The following MTHFS variants were observed in gnomAD, a reference collection of about 807,000 sequenced individuals.
MTHFS encodes methenyltetrahydrofolate synthetase.
MTHFS carries 7 observed loss-of-function variants against 12.7 expected under a neutral mutation model. The ratio of observed to expected loss-of-function variants is 0.55; its 90% confidence interval spans 0.31 to 1.03. MTHFS has a LOEUF of 1.03. Among genes scored for constraint, MTHFS ranks in the 50% least tolerant of loss-of-function variants. The pLI is 0.05. For missense variants in MTHFS, 252 were observed against 258.1 expected, an observed-to-expected ratio of 0.98 and a Z score of 0.16; for synonymous variants, 100 against 97.1, an observed-to-expected ratio of 1.03 and a Z score of -0.18.
intron 2 of MTHFS, among the ~76,000 whole-genome samples, chr15:79,846,983 C>G (rs945370726): frequency 6.6e-6 from 1 of 152,180 alleles, no homozygotes; most frequent in African/African-American, 2.4e-5. Flanking sequence ...TCAGTTAGTA[C>G]AAAATATAAC....
chr15:79,853,662 G>C (rs1251283813), intron 2 of MTHFS, among the ~76,000 whole-genome samples: 2 of 152,158 alleles, frequency 1.3e-5, no homozygotes, highest in Non-Finnish European at 2.9e-5. Flanking sequence ...CAAACCATGT[G>C]CAAGGGTGGG....
At chr15:79,858,487 G>A (rs368389976) in intron 2 of MTHFS, among the ~76,000 whole-genome samples, 25 of 152,066 alleles carry the variant, frequency 1.6e-4, no homozygotes, top group African/African-American at 4.3e-4. Context: ...GTGTGACTTC[G>A]GACAAGTCAT....
chr15:79,886,489 A>G (rs927733706), intron 2 of MTHFS, among the ~76,000 whole-genome samples: 6 of 152,218 alleles, frequency 3.9e-5, no homozygotes, highest in Admixed American at 3.9e-4. Context: ...TCTGCAAAGA[A>G]AAATGCATGG....
chr15:79,883,806 T>C (rs1414341481), intron 2 of MTHFS, among the ~76,000 whole-genome samples: 1 of 152,200 alleles, frequency 6.6e-6, no homozygotes, highest in Non-Finnish European at 1.5e-5. Flanking sequence ...TCTGCCCAAG[T>C]GGTAAAGGCC....
At chr15:79,875,076 T>C (rs563184661) in intron 2 of MTHFS, among the ~76,000 whole-genome samples, 92 of 152,244 alleles carry the variant, frequency 6.0e-4, no homozygotes, top group African/African-American at 1.4e-3. Flanking sequence ...AGAGTATTGA[T>C]TGGGGAAGTG....
intron 2 of MTHFS, among the ~76,000 whole-genome samples, chr15:79,886,039 G>C (rs115859694): frequency 2.6e-5 from 4 of 152,200 alleles, no homozygotes; most frequent in African/African-American, 7.2e-5. Flanking sequence ...GAAAGAATCC[G>C]ACCCTCGATT....
At chr15:79,860,881 C>T (rs1164372712) in intron 2 of MTHFS, among the ~76,000 whole-genome samples, 1 of 152,164 alleles carries the variant, frequency 6.6e-6, no homozygotes, top group Non-Finnish European at 1.5e-5. Context: ...CTGATACAAC[C>T]TCATGGCAAA....
intron 1 of MTHFS, among the ~76,000 whole-genome samples, chr15:79,891,766 G>C (rs377283365): frequency 6.6e-6 from 1 of 151,852 alleles, no homozygotes; most frequent in South Asian, 2.1e-4. Context: ...TCAGGAGTTC[G>C]AGGCCAGCCT....
rs956162381 is a variant in MTHFS, at chr15:79,844,364, G to A, written c.*846C>T. On this transcript the variant is annotated 3_prime_UTR_variant, in exon 3 of 3. Coordinates refer to ENST00000258874, the MANE Select transcript of MTHFS (RefSeq NM_006441.4). The stretch of plus-strand genomic sequence containing the variant: ...GAATAGATTTAAGAGGCATTTCAGA[G>A]GCAAAATCAACAAGACCTGGTGACA... 4 of 152,290 alleles carry A rather than the reference G, an allele frequency of 2.6e-5. No individual in the cohort carries two copies. Among genetic ancestry groups the A allele is most frequent in the African/African-American group, 9.7e-5 (4 of 41,426 alleles). The allele number at this position is 152,290 out of a possible 1,614,324, so 9.4% of individuals were successfully genotyped here.
chr15:79,846,664 CCTT>C (rs1235322327), intron 2 of MTHFS, among the ~76,000 whole-genome samples: 4 of 152,042 alleles, frequency 2.6e-5, no homozygotes, highest in Admixed American at 2.6e-4. Flanking sequence ...CTGTAAACCT[CCTT>C]GTCTATTCCA....
chr15:79,875,818 A>G (rs1232348120), intron 2 of MTHFS: 1 of 152,170 alleles, frequency 6.6e-6, no homozygotes, highest in Admixed American at 6.6e-5. Flanking sequence ...ATATCTGACA[A>G]GGAACTTATT....
intron 2 of MTHFS, among the ~76,000 whole-genome samples, chr15:79,852,623 A>G (rs2033736359): frequency 6.6e-6 from 1 of 152,180 alleles, no homozygotes; most frequent in Admixed American, 6.5e-5. Context: ...CATTCTTACT[A>G]TAAAATTCTT....
intron 2 of MTHFS, among the ~76,000 whole-genome samples, chr15:79,846,523 A>C (rs1004559574): frequency 3.5e-4 from 53 of 152,206 alleles, no homozygotes; most frequent in African/African-American, 1.3e-3. Flanking sequence ...CCCCACTATC[A>C]GCAGATATTC....
chr15:79,897,221 C>G (rs1052750582), upstream of MTHFS: 2 of 444,838 alleles, frequency 4.5e-6, no homozygotes, highest in African/African-American at 4.1e-5. Flanking sequence ...CTCGCCCTCC[C>G]CGGTTAGGGG....
At chr15:79,875,663 T>G (rs533583222) in intron 2 of MTHFS, among the ~76,000 whole-genome samples, 65 of 152,248 alleles carry the variant, frequency 4.3e-4, no homozygotes, top group African/African-American at 1.5e-3. Context: ...GACCTTGGAT[T>G]AGGCAATGGT....
intron 2 of MTHFS, among the ~76,000 whole-genome samples, chr15:79,881,732 T>C (rs775076548): frequency 2.0e-5 from 3 of 152,138 alleles, no homozygotes; most frequent in Non-Finnish European, 4.4e-5. Flanking sequence ...CAGTATGCTG[T>C]CAAGAGAGAG....
intron 2 of MTHFS, among the ~76,000 whole-genome samples, chr15:79,865,220 C>T (rs924163292): frequency 1.3e-5 from 2 of 152,208 alleles, no homozygotes; most frequent in African/African-American, 4.8e-5. Flanking sequence ...ACTTGTAAAA[C>T]TGTCATTATT....
chr15:79,848,499 T>G (rs2033658611), intron 2 of MTHFS, among the ~76,000 whole-genome samples: 1 of 150,866 alleles, frequency 6.6e-6, no homozygotes, highest in Non-Finnish European at 1.5e-5. Context: ...ACATTATATG[T>G]TATTTACCAC....
chr15:79,896,719 TGCGCGCGCCGGG>T, intron 1 of MTHFS, 141 bp downstream of exon 1: 1 of 926,646 alleles, frequency 1.1e-6, no homozygotes, highest in South Asian at 2.2e-5. Context: ...CTAGGGGGCG[TGCGCGCGCCGGG>T]AGGGGAAACG....
Sources: gnomAD v4.1 joint callset for allele counts (sites outside exome capture counted in the v4.1 genomes callset) on GRCh38, gnomAD v4.1.1 for gene constraint, MANE v1.5 for transcripts, NCBI Gene and HGNC (gene_info 2026-07-23, HGNC 2026-07-21) for gene names.